GNAQ: variants seen among roughly 807,000 people sequenced by gnomAD.
The protein encoded by GNAQ is guanine nucleotide-binding protein G(q) subunit alpha.
A neutral mutation model predicts 43.9 loss-of-function variants in GNAQ; 8 were observed. The ratio of observed to expected loss-of-function variants is 0.18; its 90% CI spans 0.11 to 0.33. The LOEUF is 0.33. GNAQ is among the 10% of genes least tolerant of loss of function. GNAQ has a pLI of 1.00. For missense variants in GNAQ, 158 were observed against 450.8 expected (o/e 0.35, Z 5.88); for synonymous variants, 155 against 170.7 (o/e 0.91, Z 0.71).
At chr9:77,725,777 T>C (rs1350810219) in intron 6 of GNAQ, among the ~76,000 whole-genome samples, 6 of 152,098 alleles carry the variant, frequency 3.9e-5, no homozygotes, top group African/African-American at 1.2e-4. Flanking sequence ...AAGTCTTTTA[T>C]TGCGGAAAAA....
intron 2 of GNAQ, among the ~76,000 whole-genome samples, chr9:77,914,386 C>G (rs1278832288): frequency 6.6e-6 from 1 of 152,164 alleles, no homozygotes; most frequent in Non-Finnish European, 1.5e-5. Flanking sequence ...CCAAGAGGCA[C>G]AGTGGCTCAT....
At chr9:78,013,135 C>T (rs1033831435) in intron 1 of GNAQ, among the ~76,000 whole-genome samples, 2 of 152,084 alleles carry the variant, frequency 1.3e-5, no homozygotes, top group South Asian at 2.1e-4. Context: ...GAGCAATGAA[C>T]GTGGCAGTGA....
intron 5 of GNAQ, among the ~76,000 whole-genome samples, chr9:77,736,110 T>A (rs1481981308): frequency 1.3e-5 from 2 of 152,186 alleles, no homozygotes; most frequent in African/African-American, 4.8e-5. Context: ...CTAGTTAATT[T>A]ATCCACGTTA....
chr9:77,966,305 G>A (rs1219941261), intron 1 of GNAQ, among the ~76,000 whole-genome samples: 1 of 152,120 alleles, frequency 6.6e-6, no homozygotes, highest in Admixed American at 6.6e-5. Flanking sequence ...TTAAATATGT[G>A]CAGCTTACTG....
chr9:78,025,880 C>T (rs1823973204), intron 1 of GNAQ, among the ~76,000 whole-genome samples: 5 of 152,240 alleles, frequency 3.3e-5, no homozygotes, highest in South Asian at 2.1e-4. Flanking sequence ...TGTAAGTGTG[C>T]CTGGATCATA....
At chr9:77,738,148 C>A (rs1825600754) in intron 5 of GNAQ, among the ~76,000 whole-genome samples, 1 of 152,076 alleles carries the variant, frequency 6.6e-6, no homozygotes, top group South Asian at 2.1e-4. Flanking sequence ...TGTAAATATA[C>A]CATAGTCAGT....
Position 77,727,881 on chromosome 9 carries a change from G to A in GNAQ, c.889+633C>T, listed in dbSNP as rs964611921. Reference sequence around the variant, plus strand: ...CTCCCCAGAGAGAGGAGAGGCAGAGGTGGACGGTAACCAAATGAAAGGGAG... The same window carrying A: ...CTCCCCAGAGAGAGGAGAGGCAGAGATGGACGGTAACCAAATGAAAGGGAG... On this transcript the variant is annotated intron_variant, in intron 6 of 6. Coordinates refer to ENST00000286548, the MANE Select transcript of GNAQ (RefSeq NM_002072.5). Among the ~76,000 whole-genome samples, 3 of 152,294 alleles carry A rather than the reference G, an allele frequency of 2.0e-5. No individual in the cohort carries two copies. In the South Asian group the frequency reaches 6.2e-4, roughly 32 times the overall value.
intron 1 of GNAQ, among the ~76,000 whole-genome samples, chr9:77,997,889 T>C (rs1823593734): frequency 6.6e-6 from 1 of 152,178 alleles, no homozygotes; most frequent in Non-Finnish European, 1.5e-5. Context: ...ATAAATATGG[T>C]TAGTGACTTC....
At position 77,717,150 on chromosome 9, in the gene GNAQ, G is replaced by T. The variant is rs952341741; in HGVS notation, c.*4173C>A. 6 of 232,134 alleles carry T rather than the reference G, an allele frequency of 2.6e-5. No homozygotes were observed. Among genetic ancestry groups the T allele is most frequent in the Admixed American group, 5.6e-5 (1 of 17,736 alleles). The allele number at this position is 232,134 out of a possible 1,614,324, so 14.4% of individuals were successfully genotyped here. A position where few individuals can be genotyped will look rare whatever the true frequency, so the allele number is the denominator to read the frequency against. ...ACGCTACATATGCTGGAAATATGTA[G>T]AGATAGATAAACATACAATATTACT... On this transcript the variant is annotated 3_prime_UTR_variant, in exon 7 of 7. Transcript: ENST00000286548.
intron 2 of GNAQ, among the ~76,000 whole-genome samples, chr9:77,859,518 A>G (rs1437896028): frequency 6.6e-6 from 1 of 152,214 alleles, no homozygotes; most frequent in African/African-American, 2.4e-5. Context: ...TTTAAAAAGA[A>G]TTATCTCCAT....
chr9:77,728,917 C>G (rs1368101796), intron 5 of GNAQ, among the ~76,000 whole-genome samples: 1 of 152,068 alleles, frequency 6.6e-6, no homozygotes, highest in East Asian at 1.9e-4. Context: ...ATAGCTCTTA[C>G]GGTTGAAAGA....
At chr9:78,014,111 T>C (rs1823807787) in intron 1 of GNAQ, among the ~76,000 whole-genome samples, 1 of 152,038 alleles carries the variant, frequency 6.6e-6, no homozygotes, top group South Asian at 2.1e-4. Flanking sequence ...AAATTATCAG[T>C]GTGGAAAGCA....
intron 5 of GNAQ, among the ~76,000 whole-genome samples, chr9:77,767,941 C>T (rs1327750006): frequency 1.3e-5 from 2 of 152,068 alleles, no homozygotes; most frequent in Admixed American, 6.6e-5. Flanking sequence ...GTCTGAGCCC[C>T]AAATAAGTAG....
chr9:77,826,357 C>T (rs888275283), intron 2 of GNAQ, among the ~76,000 whole-genome samples: 2 of 152,134 alleles, frequency 1.3e-5, no homozygotes, highest in Non-Finnish European at 2.9e-5. Context: ...TGTGAACTCT[C>T]CACAGAACTG....
chr9:78,009,907 C>G (rs1294195420), intron 1 of GNAQ, among the ~76,000 whole-genome samples: 1 of 152,086 alleles, frequency 6.6e-6, no homozygotes, highest in Admixed American at 6.6e-5. Flanking sequence ...AGATCAAAAA[C>G]AGGACTAGCA....
chr9:77,892,789 G>A (rs1017992410), intron 2 of GNAQ, among the ~76,000 whole-genome samples: 1 of 152,114 alleles, frequency 6.6e-6, no homozygotes, highest in African/African-American at 2.4e-5. Flanking sequence ...AACACTGAAT[G>A]ATCCCTTTTG....
chr9:78,019,398 A>T (rs1434025511), intron 1 of GNAQ, among the ~76,000 whole-genome samples: 2 of 152,196 alleles, frequency 1.3e-5, no homozygotes, highest in African/African-American at 4.8e-5. Context: ...AGAACCTTCC[A>T]CCTCCAGACT....
At chr9:77,746,568 AAATTAAAATGTAAGGC>A (rs1399370161) in intron 5 of GNAQ, among the ~76,000 whole-genome samples, 1 of 152,202 alleles carries the variant, frequency 6.6e-6, no homozygotes, top group Non-Finnish European at 1.5e-5. Flanking sequence ...GAAACAAAGA[AAATTAAAATGTAAGGC>A]AATTAACTCG....
At chr9:77,743,114 C>T (rs529490588) in intron 5 of GNAQ, among the ~76,000 whole-genome samples, 18 of 152,148 alleles carry the variant, frequency 1.2e-4, no homozygotes, top group African/African-American at 4.1e-4. Context: ...AAAAATTAGC[C>T]GGGCGTAGGG....
Sources: gnomAD v4.1 joint callset for allele counts (sites outside exome capture counted in the v4.1 genomes callset) on GRCh38, gnomAD v4.1.1 for gene constraint, MANE v1.5 for transcripts, NCBI Gene and HGNC (gene_info 2026-07-23, HGNC 2026-07-21) for gene names.